The following FBXW7 variants were observed in gnomAD, a reference collection of about 807,000 sequenced individuals.
FBXW7 encodes the protein F-box/WD repeat-containing protein 7.
Under a neutral mutation model 86.3 loss-of-function variants are expected in FBXW7, and 11 were observed. The observed-to-expected ratio is 0.13, with a 90% confidence interval of 0.08 to 0.21. The LOEUF (loss-of-function observed/expected upper bound fraction) is 0.21. Among genes scored for constraint, FBXW7 ranks in the 10% least tolerant of loss-of-function variants. The pLI is 1.00. For synonymous variants in FBXW7, 313 were observed against 297.9 expected (o/e 1.05, Z -0.52); for missense variants, 488 against 847.4 (o/e 0.58, Z 5.27).
At chr4:152,335,239 G>A (rs1415388173) in intron 7 of FBXW7, among the ~76,000 whole-genome samples, 2 of 152,110 alleles carry the variant, frequency 1.3e-5, no homozygotes, top group African/African-American at 2.4e-5. Flanking sequence ...AGGTCATGAG[G>A]TTGGAGTCCT....
At chr4:152,406,903 G>A (rs952848062) in intron 4 of FBXW7, among the ~76,000 whole-genome samples, 1 of 152,186 alleles carries the variant, frequency 6.6e-6, no homozygotes, top group African/African-American at 2.4e-5. Flanking sequence ...GACAACCGCT[G>A]CGGGGAATGA....
chr4:152,358,132 G>A (rs1732573624), intron 4 of FBXW7, among the ~76,000 whole-genome samples: 1 of 152,196 alleles, frequency 6.6e-6, no homozygotes, highest in Non-Finnish European at 1.5e-5. Context: ...AAATTTTATT[G>A]TGAATTTCTT....
intron 6 of FBXW7, among the ~76,000 whole-genome samples, chr4:152,338,586 C>A (rs1178562308): frequency 3.9e-5 from 6 of 151,940 alleles, no homozygotes; most frequent in Non-Finnish European, 7.4e-5. Flanking sequence ...GAAAGAGATA[C>A]ACTATAAAAA....
intron 2 of FBXW7, among the ~76,000 whole-genome samples, chr4:152,498,883 A>G (rs542849081): frequency 1.4e-4 from 21 of 152,352 alleles, no homozygotes; most frequent in African/African-American, 4.8e-4. Flanking sequence ...AAAATAGAGT[A>G]TAAGTGCTTG....
At chr4:152,407,581 A>T (rs537507786) in intron 4 of FBXW7, among the ~76,000 whole-genome samples, 1 of 152,292 alleles carries the variant, frequency 6.6e-6, no homozygotes, top group South Asian at 2.1e-4. Flanking sequence ...CTCTGGTCCT[A>T]GGAGGTGGTT....
intron 2 of FBXW7, among the ~76,000 whole-genome samples, chr4:152,532,065 T>G (rs1750070155): frequency 6.6e-6 from 1 of 152,232 alleles, no homozygotes; most frequent in African/African-American, 2.4e-5. Context: ...TTTCAGCTCT[T>G]CACTTTCCAT....
chr4:152,360,253 A>C (rs757717978), intron 4 of FBXW7, among the ~76,000 whole-genome samples: 1 of 152,092 alleles, frequency 6.6e-6, no homozygotes, highest in South Asian at 2.1e-4. Context: ...AAGACTGTTG[A>C]CTTTTTATTT....
chr4:152,496,969 G>T (rs1196813372), intron 2 of FBXW7, among the ~76,000 whole-genome samples: 2 of 152,164 alleles, frequency 1.3e-5, no homozygotes, highest in Non-Finnish European at 2.9e-5. Context: ...CTATGATACA[G>T]AAGAGAGATT....
chr4:152,378,077 G>C lies in FBXW7; in HGVS notation c.502-27953C>G, dbSNP rs149404628. 5.1e-3 allele frequency among the ~76,000 whole-genome samples: 779 copies of C among 152,258 alleles called. 6 individuals carry two copies. The highest frequency in any genetic ancestry group is 8.0e-3 in the Non-Finnish European group (544 of 68,032). ...CTTTCATGATAGAAAGGCAGAGAGAGCTGAGTGCAACAGAGGCCAACTACA... is the reference window on the plus strand; with the variant it reads ...CTTTCATGATAGAAAGGCAGAGAGACCTGAGTGCAACAGAGGCCAACTACA... On this transcript the variant is annotated intron_variant, in intron 4 of 13. Transcript: ENST00000281708.
rs1204126331 is a variant in FBXW7 at position 152,320,826 on chromosome 4, G to A, written c.*2055C>T. 6.6e-6 allele frequency: 1 copy of A among 152,130 alleles called. No homozygotes were observed. Among genetic ancestry groups the A allele is most frequent in the Non-Finnish European group, 1.5e-5 (1 of 68,016 alleles). 9.4% of individuals were successfully genotyped at this position (152,130 alleles called of 1,614,324 possible). On this transcript the variant is annotated 3_prime_UTR_variant, in exon 14 of 14. Coordinates refer to ENST00000281708, the MANE Select transcript of FBXW7 (RefSeq NM_001349798.2). ...AGATTTTTGCTCGTCTTTAAGATGG[G>A]AGATAATAGTGCCTACTTCTCAGGG...
chr4:152,481,489 A>C (rs771294834), intron 2 of FBXW7, among the ~76,000 whole-genome samples: 13 of 152,186 alleles, frequency 8.5e-5, no homozygotes, highest in African/African-American at 3.1e-4. Flanking sequence ...TTGACTTTCA[A>C]ATCTTATTAT....
chr4:152,400,476 A>T (rs1736826575), intron 4 of FBXW7, among the ~76,000 whole-genome samples: 4 of 151,888 alleles, frequency 2.6e-5, no homozygotes, highest in Admixed American at 2.6e-4. Context: ...CGGGTTGCTA[A>T]GATCACAGGA....
chr4:152,446,498 T>G (rs936214017), intron 2 of FBXW7, among the ~76,000 whole-genome samples: 1 of 152,186 alleles, frequency 6.6e-6, no homozygotes, highest in Non-Finnish European at 1.5e-5. Context: ...AGAGCATGTT[T>G]AAGGGACTTT....
intron 2 of FBXW7, among the ~76,000 whole-genome samples, chr4:152,524,310 A>G (rs1190105750): frequency 6.6e-6 from 1 of 152,228 alleles, no homozygotes; most frequent in Non-Finnish European, 1.5e-5. Flanking sequence ...CACATATAGA[A>G]TTATAAGCAC....
chr4:152,334,717 T>A (rs988543042), intron 7 of FBXW7, among the ~76,000 whole-genome samples: 1 of 152,094 alleles, frequency 6.6e-6, no homozygotes, highest in Non-Finnish European at 1.5e-5. Context: ...GTCCAGTGCA[T>A]TAAAGAGAAA....
intron 2 of FBXW7, among the ~76,000 whole-genome samples, chr4:152,417,673 C>A (rs1210738914): frequency 6.6e-6 from 1 of 152,058 alleles, no homozygotes; most frequent in Admixed American, 6.6e-5. Context: ...TAAAGAGTGT[C>A]CACATGAGGG....
chr4:152,323,669 G>C lies in FBXW7; in HGVS notation c.1855+515C>G, dbSNP rs185850180. On this transcript the variant is annotated intron_variant, in intron 13 of 13. Transcript: ENST00000281708. ...AACAAATAGAAAAAGTTAATCATGA[G>C]GCACTGCTGTACCTCATCTAATATT... The C allele has an allele frequency of 3.9e-4, 65 of 168,666 alleles. No homozygotes were observed. In the East Asian group the frequency reaches 6.3e-3, roughly 16 times the overall value. 10.4% of individuals were successfully genotyped at this position (168,666 alleles called of 1,614,324 possible).
At chr4:152,494,230 A>T (rs1484764347) in intron 2 of FBXW7, among the ~76,000 whole-genome samples, 1 of 152,236 alleles carries the variant, frequency 6.6e-6, no homozygotes, top group African/African-American at 2.4e-5. Flanking sequence ...CTATTTTAAC[A>T]TTAAGAAGAA....
At chr4:152,502,577 T>A (rs1747058323) in intron 2 of FBXW7, among the ~76,000 whole-genome samples, 1 of 152,038 alleles carries the variant, frequency 6.6e-6, no homozygotes, top group African/African-American at 2.4e-5. Context: ...ATATTTTGAA[T>A]ATAATTAATT....
Sources: gnomAD v4.1 joint callset for allele counts (sites outside exome capture counted in the v4.1 genomes callset) on GRCh38, gnomAD v4.1.1 for gene constraint, MANE v1.5 for transcripts, NCBI Gene and HGNC (gene_info 2026-07-23, HGNC 2026-07-21) for gene names.